PDE10A: variants seen among roughly 807,000 people sequenced by gnomAD.
PDE10A encodes cAMP and cAMP-inhibited cGMP 3',5'-cyclic phosphodiesterase 10A.
PDE10A carries 39 observed loss-of-function variants against 97.7 expected under a neutral mutation model. The ratio of observed to expected loss-of-function variants is 0.40; its 90% CI spans 0.31 to 0.52. PDE10A has a LOEUF of 0.52. PDE10A is among the 20% of genes least tolerant of loss of function. The pLI, the probability that PDE10A is intolerant of heterozygous loss-of-function variation, is 0.56. For missense variants in PDE10A, 731 were observed against 1,047.8 expected (o/e 0.70, Z 4.17); for synonymous variants, 371 against 376.8 (o/e 0.98, Z 0.18).
chr6:165,497,381 T>C (rs916304574), intron 2 of PDE10A, among the ~76,000 whole-genome samples: 1 of 152,170 alleles, frequency 6.6e-6, no homozygotes, highest in African/African-American at 2.4e-5. Flanking sequence ...TCTTCTCCTA[T>C]AGAAAATGTA....
chr6:165,727,206 T>A (rs1288567168), intron 1 of PDE10A, among the ~76,000 whole-genome samples: 1 of 152,204 alleles, frequency 6.6e-6, no homozygotes. Flanking sequence ...GCTTAGTGAC[T>A]CAGGACGGAG....
intron 1 of PDE10A, among the ~76,000 whole-genome samples, chr6:165,970,346 C>T (rs373947392): frequency 2.4e-4 from 36 of 152,028 alleles, no homozygotes; most frequent in African/African-American, 7.5e-4. Context: ...AGATGTATCA[C>T]GATTATTTTC....
intron 1 of PDE10A, among the ~76,000 whole-genome samples, chr6:165,860,496 A>G (rs1030401692): frequency 6.6e-6 from 1 of 151,948 alleles, no homozygotes; most frequent in Non-Finnish European, 1.5e-5. Flanking sequence ...AAAACACAAA[A>G]CCAGATACCC....
intron 1 of PDE10A, among the ~76,000 whole-genome samples, chr6:165,883,478 G>A (rs1188453012): frequency 6.6e-6 from 1 of 151,626 alleles, no homozygotes; most frequent in South Asian, 2.1e-4. Context: ...GATGGTGGGA[G>A]GCAGTGAGCT....
chr6:165,334,205 G>C (rs770856800), intron 21 of PDE10A, among the ~76,000 whole-genome samples: 3 of 152,232 alleles, frequency 2.0e-5, no homozygotes, highest in Non-Finnish European at 2.9e-5. Flanking sequence ...ACTGAAGCAG[G>C]AATGAGGCAG....
chr6:165,369,317 G>A (rs1784046849), intron 18 of PDE10A, among the ~76,000 whole-genome samples: 1 of 151,584 alleles, frequency 6.6e-6, no homozygotes, highest in Non-Finnish European at 1.5e-5. Flanking sequence ...AGACAAAGAA[G>A]CTGAAAACTT....
intron 1 of PDE10A, among the ~76,000 whole-genome samples, chr6:165,919,468 C>T (rs898517967): frequency 1.3e-5 from 2 of 152,226 alleles, no homozygotes; most frequent in Non-Finnish European, 2.9e-5. Flanking sequence ...CCCAATCTTT[C>T]CACTTTCTAG....
chr6:165,491,527 C>G (rs564422933), intron 2 of PDE10A, among the ~76,000 whole-genome samples: 5 of 152,114 alleles, frequency 3.3e-5, no homozygotes, highest in Non-Finnish European at 5.9e-5. Context: ...TTAAGAAAAT[C>G]AAAATCATAG....
rs540015551 is a variant in PDE10A, at chr6:165,971,188, C to T, written c.-615+16341G>A. 2.6e-4 allele frequency among the ~76,000 whole-genome samples: 40 copies of T among 151,630 alleles called. 1 individual carries two copies. The highest frequency in any genetic ancestry group is 8.0e-4 in the African/African-American group (33 of 41,382). On this transcript the variant is annotated intron_variant, in intron 1 of 19. Transcript: ENST00000366882. ...TTTGCTTTTTGAACCTAGTAGAAATCGCTATAAAGAAATCACTGTTAAATT... is the reference window on the plus strand; with the variant it reads ...TTTGCTTTTTGAACCTAGTAGAAATTGCTATAAAGAAATCACTGTTAAATT...
rs751909982 is a variant in PDE10A at position 165,336,147 on chromosome 6, G to A, written c.3041C>T (p.Thr1014Met). The A allele has an allele frequency of 1.9e-5, 31 of 1,613,430 alleles. No homozygotes were observed. The highest frequency in any genetic ancestry group is 2.3e-5 in the Non-Finnish European group (27 of 1,179,534). The change falls in exon 21 of 22, where the codon ACG becomes ATG. Residue 1014 changes from threonine to methionine, a missense_variant. Physicochemically the swap from Thr to Met is moderately conservative, Grantham distance 81. Transcript: ENST00000539869. The part of the protein sequence containing the change: ...YTTLTQILPP[T>M]EPLLKACRDN... ...CCTGCATGCTTTCAGAAGAGGCTCC[G>A]TGGGAGGGAGGATCTGGGTAAGGGT...
intron 1 of PDE10A, among the ~76,000 whole-genome samples, chr6:165,909,292 G>T (rs914714180): frequency 1.3e-5 from 2 of 152,204 alleles, no homozygotes; most frequent in Admixed American, 6.5e-5. Flanking sequence ...AGGCCATGAA[G>T]TTACCTTGGG....
intron 1 of PDE10A, among the ~76,000 whole-genome samples, chr6:165,794,541 CATT>C (rs1778775834): frequency 6.6e-6 from 1 of 151,980 alleles, no homozygotes; most frequent in Middle Eastern, 3.4e-3. Flanking sequence ...CACACACACT[CATT>C]ACACACTCAC....
chr6:165,674,791 C>G (rs952843443), intron 1 of PDE10A, among the ~76,000 whole-genome samples: 1 of 152,216 alleles, frequency 6.6e-6, no homozygotes, highest in African/African-American at 2.4e-5. Flanking sequence ...AGTTGTAACA[C>G]TCACTTCCGG....
At chr6:165,445,719 A>G (rs956251688) in intron 5 of PDE10A, among the ~76,000 whole-genome samples, 1 of 152,204 alleles carries the variant, frequency 6.6e-6, no homozygotes, top group Non-Finnish European at 1.5e-5. Context: ...TTATAGCCTG[A>G]AAATTCATCT....
chr6:165,545,542 T>C (rs915571127), intron 1 of PDE10A, among the ~76,000 whole-genome samples: 5 of 151,740 alleles, frequency 3.3e-5, no homozygotes, highest in African/African-American at 1.2e-4. Context: ...AAGATATGCA[T>C]CCAAAATAAA....
At chr6:165,619,371 G>GTCTAGTGTAGTCTAGTGTA (rs1562634555) in intron 1 of PDE10A, among the ~76,000 whole-genome samples, 1 of 7,652 alleles carries the variant, frequency 1.3e-4, no homozygotes, top group African/African-American at 3.5e-4. Context: ...AGTGTAGTGT[G>GTCTAGTGTAGTCTAGTGTA]GTGTAGTGTA....
At chr6:165,962,672 G>A (rs952751871) in intron 1 of PDE10A, among the ~76,000 whole-genome samples, 1 of 152,184 alleles carries the variant, frequency 6.6e-6, no homozygotes, top group Non-Finnish European at 1.5e-5. Flanking sequence ...GCTCCCAGAC[G>A]GGCTGTGGTG....
chr6:165,694,980 C>T (rs772505952), intron 1 of PDE10A, among the ~76,000 whole-genome samples: 1 of 152,192 alleles, frequency 6.6e-6, no homozygotes, highest in African/African-American at 2.4e-5. Flanking sequence ...GAATAAGTCT[C>T]TTATGTGAAA....
chr6:165,758,245 G>A (rs1033077603), intron 1 of PDE10A, among the ~76,000 whole-genome samples: 2 of 152,226 alleles, frequency 1.3e-5, no homozygotes, highest in Admixed American at 6.5e-5. Context: ...GGTGGATCAC[G>A]AGGTCAGGAG....
Sources: allele counts gnomAD v4.1 joint callset (sites outside exome capture counted in the v4.1 genomes callset), GRCh38; gene constraint gnomAD v4.1.1; transcripts MANE v1.5; gene names NCBI Gene and HGNC (gene_info 2026-07-23, HGNC 2026-07-21).